LRRC27: variants seen among roughly 807,000 people sequenced by gnomAD.
LRRC27 encodes the protein leucine rich repeat containing 27, also known as leucine-rich repeat-containing protein 27.
LRRC27 carries 57 observed loss-of-function variants against 55.0 expected under a neutral mutation model. That is an observed-to-expected ratio of 1.04 (90% CI 0.84 to 1.29). The LOEUF (loss-of-function observed/expected upper bound fraction) is 1.29, where lower values mean the gene tolerates loss of function less well. LRRC27 is among the 50% of genes most tolerant of loss of function. The pLI is 0.00. For synonymous variants in LRRC27, 278 were observed against 251.9 expected, an observed-to-expected ratio of 1.10 and a Z score of -0.98; for missense variants, 721 against 651.5, an observed-to-expected ratio of 1.11 and a Z score of -1.16.
chr10:132,335,547 C>T (rs1405046298), intron 2 of LRRC27, among the ~76,000 whole-genome samples: 2 of 151,140 alleles, frequency 1.3e-5, no homozygotes, highest in African/African-American at 4.9e-5. Flanking sequence ...GCAGGTCCCT[C>T]CCCCAGATCC....
At chr10:132,365,034 G>T (rs1204638205) in intron 9 of LRRC27, among the ~76,000 whole-genome samples, 1 of 152,258 alleles carries the variant, frequency 6.6e-6, no homozygotes, top group Non-Finnish European at 1.5e-5. Context: ...CTGTTTGTCT[G>T]TTTAAGGATT....
chr10:132,371,140 C>T (rs2069203520), intron 10 of LRRC27, among the ~76,000 whole-genome samples: 1 of 152,264 alleles, frequency 6.6e-6, no homozygotes, highest in Admixed American at 6.5e-5. Flanking sequence ...TTCCCCGGCC[C>T]CTCGTGTTTC....
rs1460362818 is a variant in LRRC27 at position 132,381,169 on chromosome 10, G to A, written c.*5927G>A. Among the ~76,000 whole-genome samples, 1 of 152,244 alleles carries A rather than the reference G, an allele frequency of 6.6e-6. No individual in the cohort carries two copies. The highest frequency in any genetic ancestry group is 1.5e-5 in the Non-Finnish European group (1 of 68,040). On this transcript the variant is annotated 3_prime_UTR_variant, in exon 11 of 11. Transcript: ENST00000368614. ...CACCATCCAGTCGGCTGCCAGCATGGCTGGAAAAAGCAGGCAGAAGAAGGT... is the reference window on the plus strand; with the variant it reads ...CACCATCCAGTCGGCTGCCAGCATGACTGGAAAAAGCAGGCAGAAGAAGGT...
chr10:132,363,061 C>T (rs1182355535), intron 9 of LRRC27, among the ~76,000 whole-genome samples: 2 of 119,250 alleles, frequency 1.7e-5, no homozygotes, highest in East Asian at 4.3e-4. Flanking sequence ...ACCCTTCTCA[C>T]CTCACACCAG....
chr10:132,362,491 C>T (rs982256397), intron 9 of LRRC27, among the ~76,000 whole-genome samples: 1 of 152,262 alleles, frequency 6.6e-6, no homozygotes, highest in African/African-American at 2.4e-5. Flanking sequence ...AGAGCAGAGT[C>T]GGGGCGCAAG....
At chr10:132,334,643 A>T (rs2067029391) in intron 2 of LRRC27, among the ~76,000 whole-genome samples, 1 of 152,200 alleles carries the variant, frequency 6.6e-6, no homozygotes, top group South Asian at 2.1e-4. Flanking sequence ...CTGTCACGGC[A>T]GCGCTGGTCT....
chr10:132,358,664 G>A (rs1200777498), intron 8 of LRRC27, among the ~76,000 whole-genome samples: 4 of 95,964 alleles, frequency 4.2e-5, no homozygotes, highest in African/African-American at 1.1e-4. Flanking sequence ...GGGAGGAGCC[G>A]AGGTGGTGGA....
At position 132,340,192 on chromosome 10, in the gene LRRC27, A is replaced by G. The variant is rs192913781; in HGVS notation, c.342-2021A>G. The stretch of plus-strand genomic sequence containing the variant: ...ACGTTTATATATTCATTTTAAAATC[A>G]ATGAAACGAATCAACGGGTAAGCTT... On this transcript the variant is annotated intron_variant, in intron 3 of 10. Coordinates refer to ENST00000368614, the MANE Select transcript of LRRC27 (RefSeq NM_030626.3). Among the ~76,000 whole-genome samples, 298 of 152,352 alleles carry G rather than the reference A, an allele frequency of 2.0e-3. 1 individual carries two copies. Among genetic ancestry groups the G allele is most frequent in the African/African-American group, 6.3e-3 (262 of 41,578 alleles).
chr10:132,359,762 C>T (rs2068522070), intron 8 of LRRC27, among the ~76,000 whole-genome samples: 1 of 152,264 alleles, frequency 6.6e-6, no homozygotes, highest in South Asian at 2.1e-4. Context: ...GTAAAATGCA[C>T]TGCACTTCTC....
At chr10:132,345,530 A>G (rs1343727718) in intron 5 of LRRC27, among the ~76,000 whole-genome samples, 2 of 152,228 alleles carry the variant, frequency 1.3e-5, no homozygotes, top group African/African-American at 4.8e-5. Flanking sequence ...TAGTGGCTGC[A>G]TTGGGGCATT....
intron 5 of LRRC27, among the ~76,000 whole-genome samples, chr10:132,346,438 A>C (rs550624663): frequency 1.6e-4 from 24 of 152,272 alleles, no homozygotes; most frequent in Admixed American, 2.6e-4. Flanking sequence ...GCACTTTGGG[A>C]GGCCGAGGCG....
At chr10:132,367,205 A>G (rs2069116565) in intron 10 of LRRC27, among the ~76,000 whole-genome samples, 1 of 152,256 alleles carries the variant, frequency 6.6e-6, no homozygotes, top group Non-Finnish European at 1.5e-5. Context: ...AACTTACAGA[A>G]GAAATGAATA....
intron 9 of LRRC27, among the ~76,000 whole-genome samples, chr10:132,363,903 C>T (rs565087817): frequency 2.0e-5 from 3 of 152,060 alleles, no homozygotes; most frequent in Non-Finnish European, 4.4e-5. Flanking sequence ...TAGGGAAAAT[C>T]TCGAAGGCCA....
At chr10:132,362,604 C>T (rs2068674878) in intron 9 of LRRC27, among the ~76,000 whole-genome samples, 1 of 151,986 alleles carries the variant, frequency 6.6e-6, no homozygotes, top group Admixed American at 6.6e-5. Flanking sequence ...GTTCAGGGTT[C>T]CCGGGGGTTC....
At chr10:132,342,089 T>G in intron 3 of LRRC27, 124 bp from the exon 4 acceptor site, 1 of 624,216 alleles carries the variant, frequency 1.6e-6, no homozygotes, top group Non-Finnish European at 2.8e-6. Flanking sequence ...GTTGTAAATT[T>G]AAGTGTATCT....
chr10:132,330,463 G>A (rs1163218033), upstream of LRRC27: 1 of 717,042 alleles, frequency 1.4e-6, no homozygotes, highest in Non-Finnish European at 2.6e-6. Flanking sequence ...TCCTGAGAAG[G>A]TACTGGTTGT....
At chr10:132,334,295 A>G (rs2067010490) in intron 2 of LRRC27, among the ~76,000 whole-genome samples, 1 of 152,212 alleles carries the variant, frequency 6.6e-6, no homozygotes, top group African/African-American at 2.4e-5. Context: ...CTTAAACCTC[A>G]TTTGGTTTAA....
At chr10:132,331,831 C>A, upstream of LRRC27, 1 of 1,536,744 alleles carries the variant, frequency 6.5e-7, no homozygotes. Context: ...TTCAAGGCCG[C>A]GGGCGCGGAA....
intron 4 of LRRC27, among the ~76,000 whole-genome samples, chr10:132,343,947 C>CA (rs757383511): frequency 7.9e-5 from 12 of 151,616 alleles, no homozygotes; most frequent in Non-Finnish European, 1.6e-4. Flanking sequence ...CCAAAGCCTC[C>CA]AAGTTCACAT....
Sources: gnomAD v4.1 joint callset for allele counts (sites outside exome capture counted in the v4.1 genomes callset) on GRCh38, gnomAD v4.1.1 for gene constraint, MANE v1.5 for transcripts, NCBI Gene and HGNC (gene_info 2026-07-23, HGNC 2026-07-21) for gene names.